Variants in NSUN6 observed in about 807,000 individuals in gnomAD.
NSUN6 encodes the protein tRNA (cytosine(72)-C(5))-methyltransferase NSUN6.
Under a neutral mutation model 58.0 loss-of-function variants are expected in NSUN6, and 64 were observed. That is an observed-to-expected ratio of 1.10 (90% CI 0.90 to 1.36). The LOEUF (loss-of-function observed/expected upper bound fraction) is 1.36, where lower values mean the gene tolerates loss of function less well. Among genes scored for constraint, NSUN6 ranks in the 40% most tolerant of loss-of-function variants. The pLI is 0.00. For synonymous variants in NSUN6, 231 were observed against 193.9 expected (o/e 1.19, Z -1.59); for missense variants, 701 against 550.1 (o/e 1.27, Z -2.74).
intron 6 of NSUN6, among the ~76,000 whole-genome samples, chr10:18,607,564 C>G (rs946820873): frequency 7.2e-5 from 11 of 152,148 alleles, no homozygotes; most frequent in Admixed American, 2.6e-4. Context: ...TTTTGGGAAA[C>G]CGTCAAAGAA....
chr10:18,552,694 A>ATTCCATTCCATTCTGCG (rs1205145424), intron 8 of NSUN6, among the ~76,000 whole-genome samples: 3 of 147,534 alleles, frequency 2.0e-5, no homozygotes, highest in Non-Finnish European at 4.5e-5. Context: ...TCCATTCCCC[A>ATTCCATTCCATTCTGCG]TTCCATTCCA....
Position 18,545,864 on chromosome 10 carries a change from T to C in NSUN6, c.*69A>G, listed in dbSNP as rs2054218266. On this transcript the variant is annotated 3_prime_UTR_variant, in exon 11 of 11. Transcript: ENST00000377304. ...TCATTCAGTTGGCCTGACAACACTT[T>C]GGTTAAAAAAAAAAAAACCACAGAC... 14 of 286,352 alleles carry C rather than the reference T, an allele frequency of 4.9e-5. No homozygotes were observed. Among genetic ancestry groups the C allele is most frequent in the East Asian group, 1.6e-4 (1 of 6,304 alleles). 17.7% of individuals were successfully genotyped at this position (286,352 alleles called of 1,614,324 possible).
At chr10:18,637,688 G>A (rs1463930204) in intron 3 of NSUN6, among the ~76,000 whole-genome samples, 2 of 152,052 alleles carry the variant, frequency 1.3e-5, no homozygotes, top group African/African-American at 4.8e-5. Flanking sequence ...CAACACTTCC[G>A]GTAATAATGA....
intron 6 of NSUN6, among the ~76,000 whole-genome samples, chr10:18,598,984 A>G (rs1282575784): frequency 6.6e-6 from 1 of 152,190 alleles, no homozygotes; most frequent in Non-Finnish European, 1.5e-5. Flanking sequence ...GTAATAAGTG[A>G]AAAAATATAA....
At chr10:18,656,300 A>T (rs1396070003), upstream of NSUN6, among the ~76,000 whole-genome samples, 1 of 152,240 alleles carries the variant, frequency 6.6e-6, no homozygotes, top group Non-Finnish European at 1.5e-5. Context: ...GCACTTTGGG[A>T]GGCCAAGGCA....
chr10:18,629,552 G>A (rs544133142), intron 3 of NSUN6, among the ~76,000 whole-genome samples: 9 of 133,830 alleles, frequency 6.7e-5, no homozygotes, highest in Non-Finnish European at 1.3e-4. Flanking sequence ...ATAAAAGGAT[G>A]GAGGAAGATC....
chr10:18,597,443 G>C lies in NSUN6; in HGVS notation c.658-1116C>G, dbSNP rs115822926. On this transcript the variant is annotated intron_variant, in intron 6 of 10. Transcript: ENST00000377304. Reference sequence around the variant, plus strand: ...AGGTTTCAATTCATTCCTACCAAAAGACTGAACAATACATCCATTAGTACA... The same window carrying C: ...AGGTTTCAATTCATTCCTACCAAAACACTGAACAATACATCCATTAGTACA... Among the ~76,000 whole-genome samples, 826 of 152,230 alleles carry C rather than the reference G, an allele frequency of 5.4e-3. 7 individuals are homozygous for C. Among genetic ancestry groups the C allele is most frequent in the African/African-American group, 0.017 (695 of 41,552 alleles).
At chr10:18,592,669 G>C (rs1265815191) in intron 7 of NSUN6, among the ~76,000 whole-genome samples, 1 of 152,162 alleles carries the variant, frequency 6.6e-6, no homozygotes, top group South Asian at 2.1e-4. Flanking sequence ...TCCATATGCA[G>C]AAGACAGAAA....
Position 18,545,873 on chromosome 10 carries a change from A to AAAAAAAAC in NSUN6, c.*59_*60insGTTTTTTT. The AAAAAAAAC allele has an allele frequency of 4.8e-6, 5 of 1,043,714 alleles. No individual in the cohort carries two copies. Among genetic ancestry groups the AAAAAAAAC allele is most frequent in the Non-Finnish European group, 5.8e-6 (4 of 695,436 alleles). 64.7% of individuals were successfully genotyped at this position (1,043,714 alleles called of 1,614,324 possible). ...TGGCCTGACAACACTTTGGTTAAAA[A>AAAAAAAAC]AAAAAAAACCACAGACAGCAAATGT... On this transcript the variant is annotated 3_prime_UTR_variant, in exon 11 of 11. Transcript: ENST00000377304.
rs147296214 is a variant in NSUN6 at position 18,617,626 on chromosome 10, CT to C, written c.312-1334del. On this transcript the variant is annotated intron_variant, in intron 3 of 10. Coordinates refer to ENST00000377304, the MANE Select transcript of NSUN6 (RefSeq NM_182543.5). Reference sequence around the variant, plus strand: ...TCCACTCCTTGGCAGGATCCCAAATCTTTTCATCCTGTTTCCAATCTTGAAT... The same window carrying C: ...TCCACTCCTTGGCAGGATCCCAAATCTTTCATCCTGTTTCCAATCTTGAAT... Among the ~76,000 whole-genome samples, 1,105 of 152,276 alleles carry C rather than the reference CT, an allele frequency of 7.3e-3. 7 individuals carry two copies. Among genetic ancestry groups the C allele is most frequent in the Middle Eastern group, 0.024 (7 of 294 alleles).
chr10:18,619,512 A>T (rs1000565179), intron 3 of NSUN6, among the ~76,000 whole-genome samples: 29 of 152,128 alleles, frequency 1.9e-4, no homozygotes, highest in Middle Eastern at 3.2e-3. Context: ...CAACCCCCCA[A>T]TAATAACTCA....
At chr10:18,647,967 G>A (rs1342604602) in intron 2 of NSUN6, among the ~76,000 whole-genome samples, 1 of 152,078 alleles carries the variant, frequency 6.6e-6, no homozygotes, top group Non-Finnish European at 1.5e-5. Context: ...CCAAAGTCCT[G>A]GCCTCATGTG....
At chr10:18,624,528 T>C (rs1590108968) in intron 3 of NSUN6, among the ~76,000 whole-genome samples, 1 of 150,004 alleles carries the variant, frequency 6.7e-6, no homozygotes, top group Non-Finnish European at 1.5e-5. Context: ...TGGTGGCAGG[T>C]ACCTGTAGCC....
At chr10:18,644,014 C>T (rs1414777720) in intron 2 of NSUN6, among the ~76,000 whole-genome samples, 1 of 152,150 alleles carries the variant, frequency 6.6e-6, no homozygotes, top group Non-Finnish European at 1.5e-5. Context: ...TATTTTAAAA[C>T]AGCCTTATTG....
At chr10:18,621,646 C>T (rs907026284) in intron 3 of NSUN6, among the ~76,000 whole-genome samples, 6 of 152,014 alleles carry the variant, frequency 3.9e-5, no homozygotes, top group South Asian at 2.1e-4. Context: ...AGAAAGATTA[C>T]GTTCCAACAG....
At chr10:18,561,073 TG>T (rs1251988764) in intron 8 of NSUN6, among the ~76,000 whole-genome samples, 2 of 132,686 alleles carry the variant, frequency 1.5e-5, no homozygotes, top group African/African-American at 5.7e-5. Context: ...GTATAGAAAA[TG>T]GAATGGAATG....
intron 2 of NSUN6, among the ~76,000 whole-genome samples, chr10:18,643,736 AG>A (rs2059455473): frequency 6.6e-6 from 1 of 152,180 alleles, no homozygotes; most frequent in Admixed American, 6.5e-5. Context: ...TATCAATTAT[AG>A]GGAACAAATC....
chr10:18,593,875 T>A (rs371780402), intron 7 of NSUN6, among the ~76,000 whole-genome samples: 188 of 96,272 alleles, frequency 2.0e-3, no homozygotes, highest in African/African-American at 3.2e-3. Flanking sequence ...AAAGCACAAT[T>A]AAAAAAAAAA....
Position 18,565,760 on chromosome 10 carries a change from TCCATTCCATC to T in NSUN6, c.923-13799_923-13790del, listed in dbSNP as rs1204231697. Among the ~76,000 whole-genome samples, 6 of 150,932 alleles carry T rather than the reference TCCATTCCATC, an allele frequency of 4.0e-5. No individual in the cohort carries two copies. In the East Asian group the frequency reaches 1.2e-3, roughly 30 times the overall value. Reference sequence around the variant, plus strand: ...ATCTCCATTCCACGCTCCATTTCATTCCATTCCATCCTCCCTTTCATTCCATTCTCCACTC... The same window carrying T: ...ATCTCCATTCCACGCTCCATTTCATTCTCCCTTTCATTCCATTCTCCACTC... On this transcript the variant is annotated intron_variant, in intron 8 of 10. Transcript: ENST00000377304.
Sources: allele counts gnomAD v4.1 joint callset (sites outside exome capture counted in the v4.1 genomes callset), GRCh38; gene constraint gnomAD v4.1.1; transcripts MANE v1.5; gene names NCBI Gene and HGNC (gene_info 2026-07-23, HGNC 2026-07-21).